NRXN3: variants seen among roughly 807,000 people sequenced by gnomAD.
NRXN3 encodes the protein neurexin 3, also known as neurexin III.
Under a neutral mutation model 137.6 loss-of-function variants are expected in NRXN3, and 32 were observed. The observed-to-expected ratio is 0.23, with a 90% CI of 0.18 to 0.31. NRXN3 has a LOEUF of 0.31. NRXN3 is among the 10% of genes least tolerant of loss of function. The probability of loss-of-function intolerance (pLI) is 1.00; values close to 1 mark genes in which losing one functional copy is unlikely to be tolerated. For missense variants in NRXN3, 1,574 were observed against 2,062.5 expected (o/e 0.76, Z 4.59); for synonymous variants, 798 against 784.5 (o/e 1.02, Z -0.29).
intron 20 of NRXN3, among the ~76,000 whole-genome samples, chr14:79,847,191 C>T (rs925195290): frequency 6.6e-6 from 1 of 152,136 alleles, no homozygotes; most frequent in Non-Finnish European, 1.5e-5. Flanking sequence ...ACAAGAATCA[C>T]CTCAACCCAA....
intron 4 of NRXN3, among the ~76,000 whole-genome samples, chr14:78,373,679 G>A (rs1156681432): frequency 1.3e-5 from 2 of 152,184 alleles, no homozygotes; most frequent in African/African-American, 4.8e-5. Flanking sequence ...AGGAGTGGGA[G>A]GAGGAGAAAG....
intron 15 of NRXN3, among the ~76,000 whole-genome samples, chr14:79,062,612 A>G (rs1390730831): frequency 1.3e-5 from 2 of 152,182 alleles, no homozygotes; most frequent in African/African-American, 4.8e-5. Context: ...TTGTCAGGAC[A>G]CAAAGTGCGT....
intron 19 of NRXN3, among the ~76,000 whole-genome samples, chr14:79,721,542 A>C (rs1277272307): frequency 6.6e-6 from 1 of 152,166 alleles, no homozygotes; most frequent in Non-Finnish European, 1.5e-5. Context: ...GGTAGGCCAG[A>C]CAGAATCTAC....
chr14:79,466,480 C>T (rs111908763), intron 15 of NRXN3, among the ~76,000 whole-genome samples: 20,484 of 151,894 alleles, frequency 0.13, 1,801 homozygotes, highest in Non-Finnish European at 0.2. Context: ...CCCAGCTACT[C>T]GGGAAGCTAA....
intron 10 of NRXN3, among the ~76,000 whole-genome samples, chr14:78,910,803 C>A (rs2099235234): frequency 6.6e-6 from 1 of 152,122 alleles, no homozygotes; most frequent in African/African-American, 2.4e-5. Context: ...AGAATCGTGC[C>A]TAGCATATAG....
chr14:78,272,030 C>T (rs2072840043), intron 2 of NRXN3, among the ~76,000 whole-genome samples: 1 of 152,154 alleles, frequency 6.6e-6, no homozygotes, highest in East Asian at 1.9e-4. Flanking sequence ...ACCTTATGCT[C>T]ATCTTTCCTG....
intron 4 of NRXN3, among the ~76,000 whole-genome samples, chr14:78,584,499 A>G (rs936268079): frequency 1.3e-5 from 2 of 152,220 alleles, no homozygotes; most frequent in African/African-American, 4.8e-5. Flanking sequence ...TCCTACAGGA[A>G]GGATTTGGTC....
chr14:79,732,409 G>A (rs528961512), intron 19 of NRXN3, among the ~76,000 whole-genome samples: 27 of 152,256 alleles, frequency 1.8e-4, no homozygotes, highest in Middle Eastern at 6.8e-3. Context: ...GGAAAGGGCC[G>A]TTTCACAGAA....
At chr14:78,331,322 G>A (rs1268864095) in intron 4 of NRXN3, among the ~76,000 whole-genome samples, 1 of 152,122 alleles carries the variant, frequency 6.6e-6, no homozygotes, top group Non-Finnish European at 1.5e-5. Flanking sequence ...TAGCTACTGA[G>A]CACTGTCTTT....
intron 19 of NRXN3, among the ~76,000 whole-genome samples, chr14:79,722,362 G>A (rs538613818): frequency 6.6e-6 from 1 of 152,166 alleles, no homozygotes; most frequent in South Asian, 2.1e-4. Context: ...TTGCCTGCAG[G>A]ATAAAATCGA....
chr14:79,327,587 T>C (rs1247951730), intron 15 of NRXN3, among the ~76,000 whole-genome samples: 1 of 152,200 alleles, frequency 6.6e-6, no homozygotes, highest in African/African-American at 2.4e-5. Context: ...TCTTGTGCTG[T>C]TCTTCCCACC....
rs565970102 is a variant in NRXN3, at chr14:78,555,526, G to A, written c.758-89594G>A. ...CAAGATGCTGAGAAGAGGGAAGAATGCCACAAAACTGCATACACCAAAGAT... is the reference window on the plus strand; with the variant it reads ...CAAGATGCTGAGAAGAGGGAAGAATACCACAAAACTGCATACACCAAAGAT... On this transcript the variant is annotated intron_variant, in intron 4 of 20. Transcript: ENST00000335750. Among the ~76,000 whole-genome samples, 8 of 152,304 alleles carry A rather than the reference G, an allele frequency of 5.3e-5. No individual in the cohort carries two copies. In the South Asian group the frequency reaches 1.7e-3, roughly 32 times the overall value.
intron 15 of NRXN3, chr14:79,280,371 G>A: frequency 6.2e-7 from 1 of 1,614,016 alleles, no homozygotes; most frequent in Non-Finnish European, 8.5e-7. Flanking sequence ...CTGTTCTGGG[G>A]ATGTATCGTC....
rs895897459 is a variant in NRXN3 at position 78,546,812 on chromosome 14, C to G, written c.758-98308C>G. On this transcript the variant is annotated intron_variant, in intron 4 of 20. Transcript: ENST00000335750. ...GCTGACTTGGCCTTGTCCCTCACAA[C>G]TCTGAGACATAGGTTTTCTTACCAT... Among the ~76,000 whole-genome samples the G allele has an allele frequency of 4.6e-5, 7 of 152,148 alleles. No individual in the cohort carries two copies. In the East Asian group the frequency reaches 5.8e-4, roughly 13 times the overall value.
At chr14:78,772,016 T>C (rs1382988248) in intron 8 of NRXN3, among the ~76,000 whole-genome samples, 2 of 152,184 alleles carry the variant, frequency 1.3e-5, no homozygotes, top group East Asian at 3.9e-4. Flanking sequence ...ATATATACCT[T>C]ATATACATAG....
intron 9 of NRXN3, among the ~76,000 whole-genome samples, chr14:78,807,089 T>C (rs966064214): frequency 1.7e-4 from 26 of 152,202 alleles, no homozygotes; most frequent in African/African-American, 6.0e-4. Flanking sequence ...CAATGATGTG[T>C]TAGTCTTAAT....
chr14:79,391,306 G>A (rs2094837769), intron 15 of NRXN3, among the ~76,000 whole-genome samples: 1 of 152,142 alleles, frequency 6.6e-6, no homozygotes, highest in Non-Finnish European at 1.5e-5. Context: ...TTTCTGAAGT[G>A]GAAATAATTC....
chr14:79,699,407 TG>T (rs1427426722), intron 19 of NRXN3, among the ~76,000 whole-genome samples: 3 of 152,036 alleles, frequency 2.0e-5, no homozygotes, highest in Non-Finnish European at 4.4e-5. Context: ...GCTAACTCTG[TG>T]GGAAGCAGAG....
intron 1 of NRXN3, among the ~76,000 whole-genome samples, chr14:78,221,307 C>T (rs2063825999): frequency 6.6e-6 from 1 of 152,042 alleles, no homozygotes. Flanking sequence ...ATAAGATTTT[C>T]CTGAGATAGG....
Sources: gnomAD v4.1 joint callset for allele counts (sites outside exome capture counted in the v4.1 genomes callset) on GRCh38, gnomAD v4.1.1 for gene constraint, MANE v1.5 for transcripts, NCBI Gene and HGNC (gene_info 2026-07-23, HGNC 2026-07-21) for gene names.